ESRRG: variants seen among roughly 807,000 people sequenced by gnomAD.
ESRRG encodes estrogen-related receptor gamma.
A neutral mutation model predicts 44.0 loss-of-function variants in ESRRG; 13 were observed. The observed-to-expected ratio is 0.30, with a 90% CI of 0.19 to 0.47. The LOEUF is 0.47. Ranked by LOEUF, ESRRG falls within the 20% of genes least tolerant of loss-of-function variation. ESRRG has a pLI of 1.00. For missense variants in ESRRG, 395 were observed against 580.6 expected (o/e 0.68, Z 3.29); for synonymous variants, 215 against 214.6 (o/e 1.00, Z -0.02).
intron 1 of ESRRG, among the ~76,000 whole-genome samples, chr1:216,993,086 T>C (rs556603849): frequency 3.9e-5 from 6 of 152,352 alleles, no homozygotes; most frequent in Non-Finnish European, 1.5e-5. Context: ...AACTTCATTG[T>C]TTACTCTTAG....
intron 2 of ESRRG, among the ~76,000 whole-genome samples, chr1:216,653,382 T>TA (rs1490203669): frequency 6.6e-6 from 1 of 152,206 alleles, no homozygotes; most frequent in East Asian, 1.9e-4. Flanking sequence ...ATGCTGATTT[T>TA]AAAAAATCAA....
chr1:216,579,580 A>T (rs746654995), intron 3 of ESRRG, among the ~76,000 whole-genome samples: 1 of 152,158 alleles, frequency 6.6e-6, no homozygotes, highest in African/African-American at 2.4e-5. Flanking sequence ...GACACCAAAC[A>T]TACTGAGTCT....
At chr1:216,528,068 C>T (rs1013240243) in intron 5 of ESRRG, among the ~76,000 whole-genome samples, 1 of 152,132 alleles carries the variant, frequency 6.6e-6, no homozygotes, top group African/African-American at 2.4e-5. Flanking sequence ...TCCTCAACAG[C>T]TCATTGACTG....
At chr1:216,927,811 G>A (rs982285839) in intron 2 of ESRRG, among the ~76,000 whole-genome samples, 6 of 152,198 alleles carry the variant, frequency 3.9e-5, no homozygotes, top group Non-Finnish European at 8.8e-5. Flanking sequence ...GGGATATGAC[G>A]AAATCTGGCT....
chr1:216,943,372 C>T (rs1165555269), intron 1 of ESRRG, among the ~76,000 whole-genome samples: 1 of 152,156 alleles, frequency 6.6e-6, no homozygotes, highest in Non-Finnish European at 1.5e-5. Context: ...TTGCAGGAAC[C>T]TTCTTAGAAG....
intron 3 of ESRRG, among the ~76,000 whole-genome samples, chr1:216,581,663 A>T (rs570897382): frequency 3.5e-4 from 53 of 152,246 alleles, no homozygotes; most frequent in African/African-American, 1.2e-3. Context: ...GAAAACAAAA[A>T]CAATGGGCAT....
intron 2 of ESRRG, among the ~76,000 whole-genome samples, chr1:216,756,723 G>A (rs1242906123): frequency 2.0e-5 from 3 of 151,960 alleles, no homozygotes; most frequent in Non-Finnish European, 4.4e-5. Flanking sequence ...GCGAAATGTT[G>A]ACACTGAAAT....
chr1:216,865,726 A>T (rs1004485580), intron 2 of ESRRG, among the ~76,000 whole-genome samples: 10 of 152,342 alleles, frequency 6.6e-5, no homozygotes, highest in Admixed American at 5.9e-4. Flanking sequence ...TAATAATGTT[A>T]AGAAAGTACT....
At position 216,567,303 on chromosome 1, in the gene ESRRG, G is replaced by C. The variant is rs193241375; in HGVS notation, c.700+685C>G. 1.2e-4 allele frequency among the ~76,000 whole-genome samples: 19 copies of C among 152,060 alleles called. 1 individual carries two copies. The South Asian group carries it at 3.5e-3, about 28-fold the overall frequency. ...TCAATCTATATTCCAACTCTTTTTC[G>C]TTAATGACAAAAAGAATGGGGCTTG... On this transcript the variant is annotated intron_variant, in intron 4 of 6. Transcript: ENST00000408911.
chr1:217,010,586 A>C (rs2078420325), intron 1 of ESRRG, among the ~76,000 whole-genome samples: 1 of 152,208 alleles, frequency 6.6e-6, no homozygotes. Flanking sequence ...TATGCCATGC[A>C]TCAAGCAATG....
chr1:216,979,896 C>T lies in ESRRG; in HGVS notation c.-105-40223G>A, dbSNP rs530171682. On this transcript the variant is annotated intron_variant, in intron 1 of 7. Transcript: ENST00000359162. ...AATGCACATATTGCATTGAGCCACT[C>T]ACTCTTTGTAAAGTAATTCCTAAAG... 2.0e-5 allele frequency among the ~76,000 whole-genome samples: 3 copies of T among 152,188 alleles called. No individual in the cohort carries two copies. The East Asian group carries it at 5.8e-4, about 30-fold the overall frequency.
chr1:216,998,355 T>A (rs2076623023), intron 1 of ESRRG, among the ~76,000 whole-genome samples: 1 of 152,216 alleles, frequency 6.6e-6, no homozygotes. Flanking sequence ...ATTTTGAATG[T>A]TAACAACATT....
chr1:216,846,864 T>C (rs551448203), intron 2 of ESRRG, among the ~76,000 whole-genome samples: 7 of 152,092 alleles, frequency 4.6e-5, no homozygotes, highest in African/African-American at 1.7e-4. Context: ...TGTAGTTCTC[T>C]TTAAAGATAG....
At chr1:216,776,337 C>G (rs1286154282) in intron 2 of ESRRG, among the ~76,000 whole-genome samples, 1 of 152,106 alleles carries the variant, frequency 6.6e-6, no homozygotes, top group Non-Finnish European at 1.5e-5. Flanking sequence ...CTGACTTAAC[C>G]TAGTGTCCTT....
At chr1:216,874,502 C>A (rs1446636931) in intron 2 of ESRRG, among the ~76,000 whole-genome samples, 1 of 152,192 alleles carries the variant, frequency 6.6e-6, no homozygotes, top group African/African-American at 2.4e-5. Flanking sequence ...ACAAACTATT[C>A]CCTGAGAAGC....
chr1:216,556,396 G>A (rs976003033), intron 5 of ESRRG, among the ~76,000 whole-genome samples: 3 of 152,142 alleles, frequency 2.0e-5, no homozygotes, highest in Non-Finnish European at 4.4e-5. Context: ...CAATTACCAT[G>A]AACTTGCCTT....
At position 216,654,222 on chromosome 1, in the gene ESRRG, A is replaced by G. The variant is rs571268734; in HGVS notation, c.473-3133T>C. On this transcript the variant is annotated intron_variant, in intron 2 of 6. Coordinates refer to ENST00000408911, the MANE Select transcript of ESRRG (RefSeq NM_001438.4). The stretch of plus-strand genomic sequence containing the variant: ...TTCTTATCTCAGGGTCATTATTATG[A>G]ATATCAATTATGGTGTTATAATGCA... 1.8e-4 allele frequency among the ~76,000 whole-genome samples: 28 copies of G among 152,252 alleles called. 1 individual carries two copies. In the South Asian group the frequency reaches 5.2e-3, roughly 28 times the overall value.
At chr1:216,798,986 C>T (rs1233229808) in intron 2 of ESRRG, among the ~76,000 whole-genome samples, 2 of 152,082 alleles carry the variant, frequency 1.3e-5, no homozygotes, top group Non-Finnish European at 2.9e-5. Flanking sequence ...AATCAATCCC[C>T]TCACTGACAA....
At chr1:216,513,209 A>T (rs2043222119) in intron 6 of ESRRG, among the ~76,000 whole-genome samples, 2 of 152,162 alleles carry the variant, frequency 1.3e-5, no homozygotes, top group South Asian at 4.1e-4. Context: ...AAAATGATAT[A>T]GATAAAAAGA....
Sources: gnomAD v4.1 joint callset for allele counts (sites outside exome capture counted in the v4.1 genomes callset) on GRCh38, gnomAD v4.1.1 for gene constraint, MANE v1.5 for transcripts, NCBI Gene and HGNC (gene_info 2026-07-23, HGNC 2026-07-21) for gene names.